The following FAM219A variants were observed in gnomAD, a reference collection of about 807,000 sequenced individuals.
The protein encoded by FAM219A is protein FAM219A.
Under a neutral mutation model 23.4 loss-of-function variants are expected in FAM219A, and 7 were observed. That is an observed-to-expected ratio of 0.30 (90% CI 0.17 to 0.56). The LOEUF is 0.56. Among genes scored for constraint, FAM219A ranks in the 20% least tolerant of loss-of-function variants. FAM219A has a pLI of 0.92. For synonymous variants in FAM219A, 93 were observed against 99.0 expected (o/e 0.94, Z 0.36); for missense variants, 166 against 246.9 (o/e 0.67, Z 2.20).
Position 34,399,978 on chromosome 9 carries a change from G to A in FAM219A, c.*986C>T, listed in dbSNP as rs987101194. On this transcript the variant is annotated 3_prime_UTR_variant, in exon 6 of 6. Coordinates refer to ENST00000651358, the MANE Select transcript of FAM219A (RefSeq NM_001184940.2). Reference sequence around the variant, plus strand: ...CCACCCACCCCCTGACAGCCTCAGAGATACACACACATTCTGCTAAGCACT... The same window carrying A: ...CCACCCACCCCCTGACAGCCTCAGAAATACACACACATTCTGCTAAGCACT... 13 of 152,586 alleles carry A rather than the reference G, an allele frequency of 8.5e-5. No individual in the cohort carries two copies. The highest frequency in any genetic ancestry group is 1.5e-4 in the Non-Finnish European group (10 of 68,322). 9.5% of individuals were successfully genotyped at this position (152,586 alleles called of 1,614,324 possible).
chr9:34,424,766 TCAACCA>T (rs1822397045), intron 1 of FAM219A, among the ~76,000 whole-genome samples: 1 of 152,184 alleles, frequency 6.6e-6, no homozygotes, highest in South Asian at 2.1e-4. Flanking sequence ...AGAGGGAGGC[TCAACCA>T]TGGAACCTAT....
At chr9:34,406,803 CTTTT>C (rs34985382) in intron 1 of FAM219A, among the ~76,000 whole-genome samples, 4 of 127,524 alleles carry the variant, frequency 3.1e-5, no homozygotes, top group Non-Finnish European at 3.4e-5. Flanking sequence ...TGTCCAGAGT[CTTTT>C]TTTTTTTTTT....
chr9:34,442,672 C>G (rs1477809152), intron 1 of FAM219A, among the ~76,000 whole-genome samples: 5 of 139,116 alleles, frequency 3.6e-5, no homozygotes, highest in Non-Finnish European at 6.1e-5. Context: ...GTGACAGAGA[C>G]AGACTCCGTC....
At chr9:34,425,095 G>A (rs1329075935) in intron 1 of FAM219A, among the ~76,000 whole-genome samples, 5 of 151,258 alleles carry the variant, frequency 3.3e-5, no homozygotes, top group Admixed American at 6.6e-5. Flanking sequence ...ATGAGCCACC[G>A]CGCCCAGCCC....
chr9:34,429,267 A>G (rs1341221884), intron 1 of FAM219A, among the ~76,000 whole-genome samples: 2 of 152,212 alleles, frequency 1.3e-5, no homozygotes, highest in Non-Finnish European at 1.5e-5. Context: ...AGTTCCTTCA[A>G]TAAGGGACCC....
At chr9:34,439,093 G>A (rs551645788) in intron 1 of FAM219A, among the ~76,000 whole-genome samples, 3 of 151,846 alleles carry the variant, frequency 2.0e-5, no homozygotes, top group South Asian at 4.2e-4. Flanking sequence ...CTTCACTCCT[G>A]AGCCAGCGAG....
At chr9:34,436,775 C>T (rs114006114) in intron 1 of FAM219A, among the ~76,000 whole-genome samples, 27,490 of 151,986 alleles carry the variant, frequency 0.18, 2,655 homozygotes, top group East Asian at 0.32. Context: ...TCTCAAGCCA[C>T]CTCGTTGTAT....
intron 2 of FAM219A, among the ~76,000 whole-genome samples, chr9:34,403,952 C>G (rs908305580): frequency 6.6e-6 from 1 of 152,170 alleles, no homozygotes; most frequent in Non-Finnish European, 1.5e-5. Context: ...CAGCAGGTGG[C>G]AGCTGCCATT....
intron 4 of FAM219A, 45 bp from the exon 5 acceptor site, chr9:34,401,765 A>G (rs773314174): frequency 2.5e-5 from 40 of 1,586,090 alleles, no homozygotes; most frequent in Non-Finnish European, 2.7e-5. Context: ...AAGAAATTAC[A>G]TAGAAAACTC....
chr9:34,442,252 C>T (rs917446235), intron 1 of FAM219A, among the ~76,000 whole-genome samples: 1 of 152,180 alleles, frequency 6.6e-6, no homozygotes, highest in East Asian at 1.9e-4. Flanking sequence ...AAAAACAACA[C>T]AAGAATGCAG....
chr9:34,420,978 GTGTGTGTGTGTGTA>G (rs1050518331), intron 1 of FAM219A, among the ~76,000 whole-genome samples: 1 of 131,488 alleles, frequency 7.6e-6, no homozygotes, highest in African/African-American at 3.4e-5. Context: ...AAACTCGTGT[GTGTGTGTGTGTGTA>G]TGTGTGTGTG....
intron 1 of FAM219A, among the ~76,000 whole-genome samples, chr9:34,414,058 C>T (rs1414868041): frequency 2.0e-5 from 3 of 152,230 alleles, no homozygotes; most frequent in Non-Finnish European, 4.4e-5. Context: ...GAGGGAGACC[C>T]AGCAAGTATA....
At chr9:34,450,604 G>A (rs796680924) in intron 1 of FAM219A, among the ~76,000 whole-genome samples, 2 of 151,954 alleles carry the variant, frequency 1.3e-5, no homozygotes. Flanking sequence ...TTTTTAGTAG[G>A]GACGGGATTT....
intron 1 of FAM219A, among the ~76,000 whole-genome samples, chr9:34,451,113 C>T (rs1036749901): frequency 1.3e-5 from 2 of 152,262 alleles, no homozygotes; most frequent in East Asian, 3.9e-4. Flanking sequence ...GAAACTCCTG[C>T]GGGCATGTGT....
intron 1 of FAM219A, among the ~76,000 whole-genome samples, chr9:34,452,336 T>C (rs1232873355): frequency 1.3e-5 from 2 of 152,188 alleles, no homozygotes; most frequent in Non-Finnish European, 2.9e-5. Context: ...CAGCCTTCTC[T>C]GTTATAAGAA....
intron 1 of FAM219A, among the ~76,000 whole-genome samples, chr9:34,435,377 A>T (rs75095937): frequency 0.021 from 3,163 of 152,254 alleles, 91 homozygotes; most frequent in East Asian, 0.12. Context: ...ATCACCTGGG[A>T]AAAAATGATA....
At chr9:34,432,322 C>T (rs893184353) in intron 1 of FAM219A, among the ~76,000 whole-genome samples, 1 of 152,192 alleles carries the variant, frequency 6.6e-6, no homozygotes, top group African/African-American at 2.4e-5. Context: ...ACCACCCTCA[C>T]CTCTTCCTAC....
At chr9:34,406,009 G>T in intron 1 of FAM219A, 45 bp from the exon 2 acceptor site, 1 of 1,544,128 alleles carries the variant, frequency 6.5e-7, no homozygotes, top group South Asian at 1.2e-5. Context: ...AGGGAGTGAA[G>T]ACAGGGGGCT....
chr9:34,402,019 T>G (rs1195721716), intron 4 of FAM219A, among the ~76,000 whole-genome samples: 1 of 151,764 alleles, frequency 6.6e-6, no homozygotes, highest in Non-Finnish European at 1.5e-5. Flanking sequence ...TTGTAGGATA[T>G]TCCCAAAGTC....
Sources: allele counts gnomAD v4.1 joint callset (sites outside exome capture counted in the v4.1 genomes callset), GRCh38; gene constraint gnomAD v4.1.1; transcripts MANE v1.5; gene names NCBI Gene and HGNC (gene_info 2026-07-23, HGNC 2026-07-21).